Variants in GABRG3 observed in about 807,000 individuals in gnomAD.
The protein encoded by GABRG3 is gamma-aminobutyric acid receptor subunit gamma-3.
Under a neutral mutation model 48.8 loss-of-function variants are expected in GABRG3, and 25 were observed. That is an observed-to-expected ratio of 0.51 (90% CI 0.37 to 0.72). GABRG3 has a LOEUF of 0.72. Among genes scored for constraint, GABRG3 ranks in the 30% least tolerant of loss-of-function variants. The pLI is 0.00. For synonymous variants in GABRG3, 227 were observed against 217.6 expected, an observed-to-expected ratio of 1.04 and a Z score of -0.38; for missense variants, 394 against 577.9, an observed-to-expected ratio of 0.68 and a Z score of 3.26.
intron 7 of GABRG3, among the ~76,000 whole-genome samples, chr15:27,523,206 A>C (rs1891197987): frequency 6.6e-6 from 1 of 151,940 alleles, no homozygotes; most frequent in African/African-American, 2.4e-5. Context: ...GGAAAACTTT[A>C]AAACATTTCT....
chr15:27,318,611 C>T (rs1034358044), intron 3 of GABRG3, among the ~76,000 whole-genome samples: 13 of 152,184 alleles, frequency 8.5e-5, no homozygotes, highest in Non-Finnish European at 1.3e-4. Context: ...AGTCAGGTTT[C>T]GAACCAGTGC....
chr15:27,083,833 T>C (rs1897031132), intron 3 of GABRG3, among the ~76,000 whole-genome samples: 1 of 152,214 alleles, frequency 6.6e-6, no homozygotes, highest in Admixed American at 6.5e-5. Flanking sequence ...TTAGCAGTGT[T>C]TAAATAGGTA....
chr15:27,206,170 A>T (rs1482980886), intron 3 of GABRG3, among the ~76,000 whole-genome samples: 4 of 152,062 alleles, frequency 2.6e-5, no homozygotes, highest in African/African-American at 9.7e-5. Context: ...GATCTTTCTA[A>T]CTTTTTGATG....
intron 3 of GABRG3, among the ~76,000 whole-genome samples, chr15:27,289,804 T>G (rs544181713): frequency 6.6e-6 from 1 of 152,226 alleles, no homozygotes; most frequent in East Asian, 1.9e-4. Context: ...TGAGCCCACA[T>G]GTAGCCTAAT....
intron 7 of GABRG3, among the ~76,000 whole-genome samples, chr15:27,522,787 T>C (rs1376343352): frequency 6.6e-6 from 1 of 151,880 alleles, no homozygotes; most frequent in Non-Finnish European, 1.5e-5. Flanking sequence ...CTGTGCCTAG[T>C]ATTAGAGCTT....
At chr15:27,394,001 C>G (rs1296938611) in intron 5 of GABRG3, among the ~76,000 whole-genome samples, 6 of 152,196 alleles carry the variant, frequency 3.9e-5, no homozygotes. Context: ...CTCTTATAGA[C>G]AGCATATAGT....
chr15:27,285,841 C>T (rs1355713104), intron 3 of GABRG3, among the ~76,000 whole-genome samples: 1 of 152,202 alleles, frequency 6.6e-6, no homozygotes, highest in Admixed American at 6.5e-5. Flanking sequence ...ACTGTGTCAG[C>T]AGACCTCCAC....
At chr15:27,250,571 C>T (rs925220264) in intron 3 of GABRG3, among the ~76,000 whole-genome samples, 12 of 152,052 alleles carry the variant, frequency 7.9e-5, no homozygotes, top group African/African-American at 2.2e-4. Flanking sequence ...AGATTATAGT[C>T]GTGTGCCACC....
chr15:27,064,432 C>A (rs1442391349), intron 3 of GABRG3, among the ~76,000 whole-genome samples: 1 of 152,054 alleles, frequency 6.6e-6, no homozygotes, highest in African/African-American at 2.4e-5. Context: ...TGAATCTCAC[C>A]CGTTCTCAGG....
In GABRG3 at chr15:26,971,548, C is replaced by G. The variant is rs1172145014; in HGVS notation, c.13C>G (p.Leu5Val). Residue 5 changes from leucine to valine, a missense_variant, in exon 1 of 10, where the codon CTG becomes GTG. Leu to Val is a conservative substitution (Grantham distance 32). Coordinates refer to ENST00000615808, the MANE Select transcript of GABRG3 (RefSeq NM_033223.5). MAPK[L>V]LLLLCLFSGL... ...GCTCCACGGCACCATGGCCCCGAAG[C>G]TGCTGCTCCTCCTCTGCCTGTTCTC... is the stretch of plus-strand genomic sequence containing the variant. 1 of 1,530,520 alleles carries G rather than the reference C, an allele frequency of 6.5e-7. No homozygotes were observed. The highest frequency in any genetic ancestry group is 8.8e-7 in the Non-Finnish European group (1 of 1,139,276). The allele number at this position is 1,530,520 out of a possible 1,614,324, so 94.8% of individuals were successfully genotyped here.
At chr15:27,438,602 G>A (rs1255186342) in intron 5 of GABRG3, among the ~76,000 whole-genome samples, 1 of 152,196 alleles carries the variant, frequency 6.6e-6, no homozygotes, top group African/African-American at 2.4e-5. Context: ...CTGCATGCCA[G>A]CATCACCTTC....
chr15:27,254,450 G>T (rs771704893), intron 3 of GABRG3, among the ~76,000 whole-genome samples: 1 of 152,104 alleles, frequency 6.6e-6, no homozygotes, highest in Non-Finnish European at 1.5e-5. Flanking sequence ...GTGGTTGCTT[G>T]TCTTAGTCTT....
chr15:27,216,116 GC>G (rs1441066281), intron 3 of GABRG3, among the ~76,000 whole-genome samples: 1 of 152,154 alleles, frequency 6.6e-6, no homozygotes, highest in Non-Finnish European at 1.5e-5. Flanking sequence ...GCAGCATGTT[GC>G]CCAGAGCAGA....
intron 3 of GABRG3, among the ~76,000 whole-genome samples, chr15:27,177,694 A>G (rs895332092): frequency 1.8e-4 from 28 of 152,176 alleles, no homozygotes; most frequent in African/African-American, 6.8e-4. Flanking sequence ...TACAAAGACA[A>G]TTTCAACTGT....
At chr15:27,334,972 C>T (rs746793106) in intron 5 of GABRG3, among the ~76,000 whole-genome samples, 34 of 152,296 alleles carry the variant, frequency 2.2e-4, no homozygotes, top group Admixed American at 4.6e-4. Context: ...TGGGAGAAAA[C>T]ACTTGCAAAC....
At chr15:27,516,743 A>G (rs943447941) in intron 6 of GABRG3, among the ~76,000 whole-genome samples, 3 of 152,260 alleles carry the variant, frequency 2.0e-5, no homozygotes, top group African/African-American at 7.2e-5. Context: ...TAACTCTAAA[A>G]TAAATGAATA....
chr15:27,159,293 C>G (rs1898514009), intron 3 of GABRG3, among the ~76,000 whole-genome samples: 1 of 152,032 alleles, frequency 6.6e-6, no homozygotes, highest in African/African-American at 2.4e-5. Context: ...ACCAATCTGA[C>G]CAACATGGCA....
chr15:27,186,152 C>G (rs1395736612), intron 3 of GABRG3, among the ~76,000 whole-genome samples: 3 of 151,712 alleles, frequency 2.0e-5, no homozygotes, highest in Non-Finnish European at 4.4e-5. Flanking sequence ...ACCCAATAGA[C>G]AGCTTTTCAG....
At chr15:27,425,054 C>T (rs1888249023) in intron 5 of GABRG3, among the ~76,000 whole-genome samples, 1 of 152,144 alleles carries the variant, frequency 6.6e-6, no homozygotes, top group East Asian at 1.9e-4. Flanking sequence ...CATCAAGGCC[C>T]AGGTGAGCTT....
Sources: gnomAD v4.1 joint callset for allele counts (sites outside exome capture counted in the v4.1 genomes callset) on GRCh38, gnomAD v4.1.1 for gene constraint, MANE v1.5 for transcripts, NCBI Gene and HGNC (gene_info 2026-07-23, HGNC 2026-07-21) for gene names.